Variants in SV2C observed in about 807,000 individuals in gnomAD.
The protein encoded by SV2C is synaptic vesicle glycoprotein 2C, also known as solute carrier family 22 member B3.
A neutral mutation model predicts 79.7 loss-of-function variants in SV2C; 49 were observed. The observed-to-expected ratio is 0.61, with a 90% confidence interval of 0.49 to 0.78. The LOEUF is 0.78. Ranked by LOEUF, SV2C falls within the 30% of genes least tolerant of loss-of-function variation. The pLI is 0.00. For missense variants in SV2C, 833 were observed against 912.9 expected (o/e 0.91, Z 1.13); for synonymous variants, 334 against 333.2 (o/e 1.00, Z -0.03).
chr5:75,934,843 T>C, the SV2C span, among the ~76,000 whole-genome samples: 1 of 151,812 alleles, frequency 6.6e-6, no homozygotes, highest in African/African-American at 2.4e-5. Flanking sequence ...GAGCACATAT[T>C]GATGCTGATA....
chr5:75,963,654 A>T, the SV2C span, among the ~76,000 whole-genome samples: 1 of 152,068 alleles, frequency 6.6e-6, no homozygotes, highest in African/African-American at 2.4e-5. Context: ...TTTCTAATTC[A>T]TCTTACTCAG....
the SV2C span, among the ~76,000 whole-genome samples, chr5:75,892,758 A>G: frequency 2.0e-4 from 30 of 152,204 alleles, no homozygotes; most frequent in Admixed American, 1.0e-3. Flanking sequence ...TGCAAAAGAC[A>G]TGATTTTATT....
At chr5:75,949,510 T>C in the SV2C span, among the ~76,000 whole-genome samples, 1 of 152,034 alleles carries the variant, frequency 6.6e-6, no homozygotes, top group Non-Finnish European at 1.5e-5. Context: ...CCTTCAATTG[T>C]AGCTCCTGTA....
chr5:75,870,705 C>G, the SV2C span, among the ~76,000 whole-genome samples: 2 of 152,148 alleles, frequency 1.3e-5, no homozygotes, highest in African/African-American at 4.8e-5. Context: ...AAAACTGTCT[C>G]AAGGCATTTA....
intron 4 of SV2C, 73 bp from the exon 5 acceptor site, chr5:76,285,089 G>A: frequency 6.3e-7 from 1 of 1,583,054 alleles, no homozygotes. Context: ...CATGGTTCGG[G>A]CATCCCGGGT....
At chr5:76,254,377 G>A (rs1296858105) in intron 4 of SV2C, among the ~76,000 whole-genome samples, 1 of 152,010 alleles carries the variant, frequency 6.6e-6, no homozygotes, top group Admixed American at 6.6e-5. Context: ...TCTATTCCTT[G>A]AGAGTGTCGG....
At chr5:75,916,917 G>A in the SV2C span, among the ~76,000 whole-genome samples, 1 of 152,172 alleles carries the variant, frequency 6.6e-6, no homozygotes, top group Non-Finnish European at 1.5e-5. Context: ...GCCAACGAAG[G>A]TTGGCAGGTG....
chr5:76,093,539 T>A (rs1250814364), intron 1 of SV2C, among the ~76,000 whole-genome samples: 1 of 152,218 alleles, frequency 6.6e-6, no homozygotes, highest in Non-Finnish European at 1.5e-5. Context: ...CCTCCATGCC[T>A]TGTCCAGAAT....
intron 1 of SV2C, among the ~76,000 whole-genome samples, chr5:76,111,898 C>T (rs1303974145): frequency 6.6e-6 from 1 of 152,154 alleles, no homozygotes. Flanking sequence ...CTGTAAGGTG[C>T]TTTATCAATA....
At chr5:75,878,461 C>T in the SV2C span, among the ~76,000 whole-genome samples, 2 of 152,202 alleles carry the variant, frequency 1.3e-5, no homozygotes, top group East Asian at 3.9e-4. Context: ...ACTGACAAAA[C>T]ATCTGTTAAA....
chr5:75,896,096 G>A, the SV2C span, among the ~76,000 whole-genome samples: 1 of 151,214 alleles, frequency 6.6e-6, no homozygotes, highest in Non-Finnish European at 1.5e-5. Flanking sequence ...AAGTTTTAGG[G>A]TACATGTGCA....
chr5:76,187,767 A>T (rs545434754), intron 2 of SV2C, among the ~76,000 whole-genome samples: 1 of 148,082 alleles, frequency 6.8e-6, no homozygotes, highest in South Asian at 2.1e-4. Context: ...AAAAAAAAAT[A>T]TGTCTTAGGG....
the SV2C span, among the ~76,000 whole-genome samples, chr5:76,048,073 TA>T: frequency 6.6e-6 from 1 of 152,202 alleles, no homozygotes; most frequent in Admixed American, 6.5e-5. Context: ...CCACAATGTA[TA>T]TATACTTCAA....
chr5:75,897,742 C>G, the SV2C span, among the ~76,000 whole-genome samples: 3 of 151,234 alleles, frequency 2.0e-5, no homozygotes, highest in East Asian at 1.9e-4. Context: ...CTTTTATTTC[C>G]TTGAGCAGTG....
At chr5:76,244,679 C>T (rs1022138221) in intron 4 of SV2C, among the ~76,000 whole-genome samples, 1 of 152,148 alleles carries the variant, frequency 6.6e-6, no homozygotes, top group Non-Finnish European at 1.5e-5. Context: ...TATTTAGAGT[C>T]CATAAAGTTT....
the SV2C span, among the ~76,000 whole-genome samples, chr5:76,015,553 C>T: frequency 2.0e-5 from 3 of 152,026 alleles, no homozygotes; most frequent in African/African-American, 7.2e-5. Context: ...AAATCTGATT[C>T]TTAGAAATAA....
At chr5:76,318,114 C>T (rs1032758751) in intron 12 of SV2C, among the ~76,000 whole-genome samples, 4 of 152,094 alleles carry the variant, frequency 2.6e-5, no homozygotes, top group Admixed American at 2.0e-4. Flanking sequence ...TTCTTTTCCC[C>T]ACCACCAACT....
At chr5:76,196,402 G>A (rs1744273088) in intron 3 of SV2C, among the ~76,000 whole-genome samples, 2 of 152,192 alleles carry the variant, frequency 1.3e-5, no homozygotes, top group African/African-American at 4.8e-5. Flanking sequence ...CGGAGAAAGG[G>A]GAGAGGAGGC....
At chr5:76,113,940 A>G (rs1454225697) in intron 1 of SV2C, among the ~76,000 whole-genome samples, 1 of 152,092 alleles carries the variant, frequency 6.6e-6, no homozygotes, top group Non-Finnish European at 1.5e-5. Flanking sequence ...ACACACACAC[A>G]TATATACACA....
Sources: allele counts gnomAD v4.1 joint callset (sites outside exome capture counted in the v4.1 genomes callset), GRCh38; gene constraint gnomAD v4.1.1; transcripts MANE v1.5; gene names NCBI Gene and HGNC (gene_info 2026-07-23, HGNC 2026-07-21).